The following KIF7 variants were observed in gnomAD, a reference collection of about 807,000 sequenced individuals.
KIF7 encodes kinesin-like protein KIF7.
In KIF7, 104 loss-of-function variants were observed where a neutral mutation model predicts 135.7. The ratio of observed to expected loss-of-function variants is 0.77; its 90% confidence interval spans 0.65 to 0.90. The LOEUF (loss-of-function observed/expected upper bound fraction) is 0.90, where lower values mean the gene tolerates loss of function less well. KIF7 is among the 40% of genes least tolerant of loss of function. The pLI is 0.00. For missense variants in KIF7, 2,005 were observed against 1,839.1 expected (o/e 1.09, Z -1.65); for synonymous variants, 883 against 809.4 (o/e 1.09, Z -1.54).
chr15:89,629,284 T>C, intron 17 of KIF7, 91 bp downstream of exon 17: 1 of 570,180 alleles, frequency 1.8e-6, no homozygotes, highest in Non-Finnish European at 2.1e-6. Context: ...GCAGGGGCGG[T>C]GGGGGGAGGG....
chr15:89,629,033 T>C lies in KIF7; in HGVS notation c.3607A>G (p.Ile1203Val). ...AGCTTCTGTTTCAGTTCCTGGTTTA[T>C]CCACATGTAACGGCCCAGTTCCTTC... Reference protein sequence around the residue: ...LEKELGRYMWINQELKQKLGG... With the variant: ...LEKELGRYMWVNQELKQKLGG... The change falls in exon 18 of 19, where the codon ATA (isoleucine) becomes GTA (valine). Residue 1203 changes from isoleucine (I) to valine (V), a missense_variant. Physicochemically the swap from Ile to Val is conservative, Grantham distance 29. Coordinates refer to ENST00000394412, the MANE Select transcript of KIF7 (RefSeq NM_198525.3). The C allele has an allele frequency of 6.2e-7, 1 of 1,613,674 alleles. No individual in the cohort carries two copies. Among genetic ancestry groups the C allele is most frequent in the Non-Finnish European group, 8.5e-7 (1 of 1,179,936 alleles).
At position 89,642,183 on chromosome 15, in the gene KIF7, C is replaced by G; in HGVS notation, c.2394+20G>C. The G allele has an allele frequency of 6.2e-7, 1 of 1,608,010 alleles. No individual in the cohort carries two copies. The highest frequency in any genetic ancestry group is 1.1e-5 in the South Asian group (1 of 90,930). The stretch of plus-strand genomic sequence containing the variant: ...GGCAGGAGTCACCCCAGCACCCCAC[C>G]CTGAGGCCCCGAGACTAACCTGCAC... On this transcript the variant is annotated intron_variant, in intron 11 of 18. Transcript: ENST00000394412.
Position 89,655,204 on chromosome 15 carries a change from A to G in KIF7, c.-25+195T>C, listed in dbSNP as rs940412102. 5.3e-5 allele frequency among the ~76,000 whole-genome samples: 8 copies of G among 152,300 alleles called. 1 individual carries two copies. In the South Asian group the frequency reaches 1.7e-3, roughly 32 times the overall value. On this transcript the variant is annotated intron_variant, in intron 1 of 18. Transcript: ENST00000394412. ...GCCTCAGCCCCCAGATGTCGGGAAG[A>G]CGGCGCCGGCCAGTCCAAGGAAGAG...
intron 11 of KIF7, among the ~76,000 whole-genome samples, chr15:89,639,268 A>C (rs1963871913): frequency 6.6e-6 from 1 of 152,208 alleles, no homozygotes; most frequent in Non-Finnish European, 1.5e-5. Context: ...ACGCAATGGC[A>C]ACCAAAGCCA....
chr15:89,630,712 T>C (rs1963655806), intron 15 of KIF7: 2 of 602,112 alleles, frequency 3.3e-6, no homozygotes, highest in South Asian at 3.9e-5. Context: ...CCTGCTCAAC[T>C]GCAAGCCTCT....
At position 89,652,637 on chromosome 15, in the gene KIF7, T is replaced by C. The variant is rs145049849; in HGVS notation, c.294A>G (p.Ser98=). The C allele has an allele frequency of 8.1e-4, 1,246 of 1,543,440 alleles. 12 individuals carry two copies. The African/African-American group carries it at 0.015, about 19-fold the overall frequency. Residue 98 remains serine, a synonymous_variant, in exon 2 of 19, where the codon TCA becomes TCG. Transcript: ENST00000394412. ...CCTCCCCCATGGTGTATGTCTTCCC[T>C]GAGCCCGTCTGACCATAGGCAAAGA... The part of the protein sequence containing the change: ...ATVFAYGQTG[S]GKTYTMGEAS...
intron 11 of KIF7, among the ~76,000 whole-genome samples, chr15:89,634,135 C>G (rs1004562660): frequency 2.6e-5 from 4 of 152,098 alleles, no homozygotes; most frequent in African/African-American, 9.7e-5. Flanking sequence ...CCTGTCTCTA[C>G]TAAAAATACA....
intron 11 of KIF7, among the ~76,000 whole-genome samples, chr15:89,640,242 T>C (rs940420417): frequency 1.3e-5 from 2 of 152,054 alleles, no homozygotes; most frequent in African/African-American, 2.4e-5. Context: ...TGTATACATA[T>C]GTAACTAACC....
chr15:89,625,886 C>T, downstream of KIF7: 1 of 1,542,944 alleles, frequency 6.5e-7, no homozygotes, highest in Non-Finnish European at 8.7e-7. Flanking sequence ...GCCTGGGCTT[C>T]CCGGTTGGGG....
In KIF7 at chr15:89,645,387, C is replaced by A; in HGVS notation, c.1987G>T (p.Gly663Cys). ...ARPGSLPERK[G>C]PELCLEELDA... is the part of the protein sequence containing the mutation. ...AACTCCTCAAGGCAAAGCTCTGGGC[C>A]CTTCCTCTCTGGCAGACTCCCTGGG... is the stretch of plus-strand genomic sequence containing the variant. Residue 663 changes from glycine to cysteine, a missense_variant, in exon 9 of 19, where the codon GGC becomes TGC. By Grantham distance (159) the Gly-to-Cys change is radical. Transcript: ENST00000394412. The A allele has an allele frequency of 5.0e-6, 8 of 1,614,122 alleles. No individual in the cohort carries two copies. The highest frequency in any genetic ancestry group is 6.8e-6 in the Non-Finnish European group (8 of 1,179,980).
intron 11 of KIF7, among the ~76,000 whole-genome samples, chr15:89,640,145 G>T (rs533852804): frequency 1.3e-5 from 2 of 151,854 alleles, no homozygotes; most frequent in African/African-American, 4.8e-5. Flanking sequence ...ACTGTTGTGG[G>T]GTGGGGGGAG....
Position 89,628,306 on chromosome 15 carries a change from G to C in KIF7, c.*113C>G. The C allele has an allele frequency of 2.9e-6, 4 of 1,381,410 alleles. No homozygotes were observed. Among genetic ancestry groups the C allele is most frequent in the South Asian group, 2.9e-5 (2 of 69,042 alleles). 85.6% of individuals were successfully genotyped at this position (1,381,410 alleles called of 1,614,324 possible). A position where few individuals can be genotyped will look rare whatever the true frequency, so the allele number is the denominator to read the frequency against. On this transcript the variant is annotated 3_prime_UTR_variant, in exon 19 of 19. Transcript: ENST00000394412. ...TTGATCCCAGTGAGGGTACAGATGA[G>C]GGCCTGGATTTAGGGTGTGCGGTAA...
chr15:89,619,923 G>A (rs1963396713), intron 1 of KIF7: 1 of 1,504,722 alleles, frequency 6.6e-7, no homozygotes, highest in Non-Finnish European at 8.9e-7. Context: ...CAAGAAATTT[G>A]ACATTTTCTT....
chr15:89,650,777 G>A (rs1964111615), intron 2 of KIF7, among the ~76,000 whole-genome samples: 1 of 151,524 alleles, frequency 6.6e-6, no homozygotes, highest in East Asian at 1.9e-4. Context: ...GTCTTGCTGT[G>A]TTGCCCAGGC....
chr15:89,647,473 G>C (rs1964035611), intron 6 of KIF7, 123 bp downstream of exon 6: 4 of 853,254 alleles, frequency 4.7e-6, no homozygotes, highest in Non-Finnish European at 7.8e-6. Context: ...TGCACCTCCT[G>C]ACTCTACACC....
downstream of KIF7, chr15:89,625,602 C>T (rs778803965): frequency 1.4e-5 from 22 of 1,613,062 alleles, no homozygotes; most frequent in Non-Finnish European, 1.8e-5. Flanking sequence ...AAGCCTCTTC[C>T]TGGGGACAGT....
intron 6 of KIF7, 47 bp from the exon 7 acceptor site, chr15:89,647,104 G>C: frequency 6.7e-7 from 1 of 1,496,994 alleles, no homozygotes; most frequent in East Asian, 2.4e-5. Context: ...TGCCCCGACA[G>C]GCAGGAGTGT....
At chr15:89,629,284 T>TGGGG in intron 17 of KIF7, 91 bp downstream of exon 17, 1 of 570,180 alleles carries the variant, frequency 1.8e-6, no homozygotes, top group East Asian at 1.3e-4. Flanking sequence ...GCAGGGGCGG[T>TGGGG]GGGGGGAGGG....
chr15:89,661,139 T>C, the KIF7 span, among the ~76,000 whole-genome samples: 1 of 152,230 alleles, frequency 6.6e-6, no homozygotes, highest in South Asian at 2.1e-4. Flanking sequence ...ACATTGTTAT[T>C]GGGAGCCTTC....
Sources: allele counts gnomAD v4.1 joint callset (sites outside exome capture counted in the v4.1 genomes callset), GRCh38; gene constraint gnomAD v4.1.1; transcripts MANE v1.5; gene names NCBI Gene and HGNC (gene_info 2026-07-23, HGNC 2026-07-21).